Variants in PRELID2 observed in about 807,000 individuals in gnomAD.
PRELID2 encodes PRELI domain-containing protein 2.
A neutral mutation model predicts 28.4 loss-of-function variants in PRELID2; 25 were observed. The observed-to-expected ratio is 0.88, with a 90% CI of 0.64 to 1.23. The LOEUF (loss-of-function observed/expected upper bound fraction) is 1.23, where lower values mean the gene tolerates loss of function less well. PRELID2 is among the 50% of genes most tolerant of loss of function. The probability of loss-of-function intolerance (pLI) is 0.00; values close to 1 mark genes in which losing one functional copy is unlikely to be tolerated. For synonymous variants in PRELID2, 76 were observed against 71.6 expected, an observed-to-expected ratio of 1.06 and a Z score of -0.31; for missense variants, 201 against 214.4, an observed-to-expected ratio of 0.94 and a Z score of 0.39.
chr5:145,615,103 T>C (rs1377966541), intron 1 of PRELID2, among the ~76,000 whole-genome samples: 2 of 150,034 alleles, frequency 1.3e-5, no homozygotes, highest in Non-Finnish European at 2.9e-5. Context: ...TAGATGCATA[T>C]ATCTTTAGGA....
At chr5:145,575,881 TC>T (rs1753056294) in intron 1 of PRELID2, among the ~76,000 whole-genome samples, 1 of 152,086 alleles carries the variant, frequency 6.6e-6, no homozygotes, top group African/African-American at 2.4e-5. Flanking sequence ...CTCTCAAAGC[TC>T]CAGCTGTCCT....
chr5:145,686,137 T>C (rs547105910), intron 1 of PRELID2, among the ~76,000 whole-genome samples: 1 of 152,262 alleles, frequency 6.6e-6, no homozygotes, highest in South Asian at 2.1e-4. Flanking sequence ...ACCCACTCAC[T>C]TTACCTCCCT....
At chr5:145,263,644 T>C in the PRELID2 span, among the ~76,000 whole-genome samples, 1 of 151,674 alleles carries the variant, frequency 6.6e-6, no homozygotes, top group Non-Finnish European at 1.5e-5. Context: ...AGAAATAAAA[T>C]GAGAGATATT....
intron 1 of PRELID2, among the ~76,000 whole-genome samples, chr5:145,830,328 T>C (rs950082272): frequency 6.6e-6 from 1 of 152,198 alleles, no homozygotes; most frequent in African/African-American, 2.4e-5. Flanking sequence ...CTCATTTAGA[T>C]ATAAACAAGA....
the PRELID2 span, among the ~76,000 whole-genome samples, chr5:145,379,781 A>G: frequency 6.6e-6 from 1 of 152,128 alleles, no homozygotes; most frequent in East Asian, 1.9e-4. Flanking sequence ...ACAGGAGCCA[A>G]CCTGCAGGAG....
chr5:145,716,225 T>C (rs1755839820), intron 1 of PRELID2, among the ~76,000 whole-genome samples: 1 of 152,200 alleles, frequency 6.6e-6, no homozygotes, highest in Non-Finnish European at 1.5e-5. Context: ...TTGTTCGTCA[T>C]TGTATATGTA....
At chr5:145,668,886 A>G (rs1754648623) in intron 1 of PRELID2, among the ~76,000 whole-genome samples, 1 of 152,098 alleles carries the variant, frequency 6.6e-6, no homozygotes, top group Non-Finnish European at 1.5e-5. Context: ...GATTTGCTTG[A>G]CTAATAGCTT....
the PRELID2 span, among the ~76,000 whole-genome samples, chr5:145,458,164 T>A: frequency 6.6e-6 from 1 of 152,202 alleles, no homozygotes; most frequent in Admixed American, 6.5e-5. Flanking sequence ...TTTCTGACTT[T>A]AGTAAGATAC....
At chr5:145,827,960 A>T (rs1002831700) in intron 1 of PRELID2, among the ~76,000 whole-genome samples, 1 of 152,174 alleles carries the variant, frequency 6.6e-6, no homozygotes, top group African/African-American at 2.4e-5. Context: ...TAAAAAGTAT[A>T]CTGTGGTTTG....
At chr5:145,601,738 A>C (rs62394190) in intron 1 of PRELID2, among the ~76,000 whole-genome samples, 29,340 of 152,070 alleles carry the variant, frequency 0.19, 5,012 homozygotes, top group African/African-American at 0.45. Flanking sequence ...CTGATGTGTA[A>C]CTTTGACACA....
intron 1 of PRELID2, among the ~76,000 whole-genome samples, chr5:145,592,247 T>A (rs1482847875): frequency 6.6e-6 from 1 of 152,070 alleles, no homozygotes; most frequent in Admixed American, 6.6e-5. Flanking sequence ...AAACCCCGTT[T>A]CTACTAAAAA....
At chr5:145,676,220 C>CAAAAAAAAAAAAA (rs34833967) in intron 1 of PRELID2, among the ~76,000 whole-genome samples, 1 of 53,602 alleles carries the variant, frequency 1.9e-5, no homozygotes, top group African/African-American at 6.0e-5. Context: ...AACTCCATCT[C>CAAAAAAAAAAAAA]AAAAAAAAAA....
intron 1 of PRELID2, among the ~76,000 whole-genome samples, chr5:145,742,190 A>G (rs1446671365): frequency 2.5e-5 from 1 of 40,690 alleles, no homozygotes; most frequent in Non-Finnish European, 5.6e-5. Flanking sequence ...ATTTATATAT[A>G]AATAATAATA....
chr5:145,322,905 C>T, the PRELID2 span, among the ~76,000 whole-genome samples: 3 of 152,016 alleles, frequency 2.0e-5, no homozygotes, highest in Non-Finnish European at 2.9e-5. Context: ...TGTTTGAACC[C>T]GGAAGGCGGA....
At chr5:145,261,578 C>T in the PRELID2 span, among the ~76,000 whole-genome samples, 1 of 152,102 alleles carries the variant, frequency 6.6e-6, no homozygotes, top group Non-Finnish European at 1.5e-5. Flanking sequence ...GTAGCTAGAT[C>T]CAGAGGAAAA....
At chr5:145,397,964 A>G in the PRELID2 span, among the ~76,000 whole-genome samples, 1 of 152,172 alleles carries the variant, frequency 6.6e-6, no homozygotes, top group South Asian at 2.1e-4. Flanking sequence ...GTGTGAGGCG[A>G]TGGCTGGTGA....
intron 1 of PRELID2, among the ~76,000 whole-genome samples, chr5:145,654,821 C>G (rs1317644178): frequency 2.6e-5 from 4 of 152,122 alleles, no homozygotes; most frequent in Non-Finnish European, 4.4e-5. Flanking sequence ...TGGAAGCATT[C>G]CCTTTGAAAA....
intron 1 of PRELID2, among the ~76,000 whole-genome samples, chr5:145,648,220 G>T (rs569288160): frequency 6.6e-6 from 1 of 152,098 alleles, no homozygotes; most frequent in Admixed American, 6.5e-5. Context: ...ACATATCCAA[G>T]AATGAACTAA....
At chr5:145,720,041 A>T (rs941081056) in intron 1 of PRELID2, among the ~76,000 whole-genome samples, 2 of 151,996 alleles carry the variant, frequency 1.3e-5, no homozygotes, top group East Asian at 3.8e-4. Flanking sequence ...AAATGAAGAA[A>T]AGCAGAAAAA....
Sources: allele counts gnomAD v4.1 joint callset (sites outside exome capture counted in the v4.1 genomes callset), GRCh38; gene constraint gnomAD v4.1.1; transcripts MANE v1.5; gene names NCBI Gene and HGNC (gene_info 2026-07-23, HGNC 2026-07-21).